Variants in ABTB3 observed in about 807,000 individuals in gnomAD.
ABTB3 encodes the protein ankyrin repeat- and BTB/POZ domain-containing protein 3.
chr12:107,355,851 C>T, the ABTB3 span, among the ~76,000 whole-genome samples: 1 of 152,140 alleles, frequency 6.6e-6, no homozygotes, highest in Admixed American at 6.5e-5. Flanking sequence ...TTGAACCCAC[C>T]GTCTGTGCTT....
At chr12:107,546,572 G>A in the ABTB3 span, among the ~76,000 whole-genome samples, 1 of 152,164 alleles carries the variant, frequency 6.6e-6, no homozygotes, top group Non-Finnish European at 1.5e-5. Context: ...TTCTACTTTT[G>A]ATGTCTACAC....
the ABTB3 span, chr12:107,619,886 C>T: frequency 3.3e-5 from 39 of 1,167,908 alleles, no homozygotes; most frequent in Non-Finnish European, 4.3e-5. Context: ...GAAAAGCCAA[C>T]TTCCAGATAA....
chr12:107,544,079 C>CACAAAT, the ABTB3 span: 1 of 1,614,048 alleles, frequency 6.2e-7, no homozygotes, highest in South Asian at 1.1e-5. Context: ...ATGCACTGCC[C>CACAAAT]ACAAATGGAA....
the ABTB3 span, among the ~76,000 whole-genome samples, chr12:107,516,357 A>G: frequency 6.6e-6 from 1 of 151,774 alleles, no homozygotes; most frequent in Non-Finnish European, 1.5e-5. Context: ...CAGCTTCCTG[A>G]GTAGCTGGGA....
At chr12:107,444,894 G>T in the ABTB3 span, among the ~76,000 whole-genome samples, 1 of 152,186 alleles carries the variant, frequency 6.6e-6, no homozygotes, top group Non-Finnish European at 1.5e-5. Context: ...GAGGCTGGGA[G>T]GGTAGGGGGA....
chr12:107,434,279 C>A, the ABTB3 span, among the ~76,000 whole-genome samples: 1 of 152,178 alleles, frequency 6.6e-6, no homozygotes, highest in Non-Finnish European at 1.5e-5. Context: ...AGCAGGCACA[C>A]AAAGTGGGCT....
chr12:107,598,521 A>T, the ABTB3 span, among the ~76,000 whole-genome samples: 1 of 152,250 alleles, frequency 6.6e-6, no homozygotes, highest in African/African-American at 2.4e-5. Flanking sequence ...TATGAGGAAG[A>T]AGTGGAGAAC....
At chr12:107,339,250 G>A in the ABTB3 span, among the ~76,000 whole-genome samples, 1 of 152,098 alleles carries the variant, frequency 6.6e-6, no homozygotes, top group African/African-American at 2.4e-5. Context: ...CTTTCTGAAG[G>A]AAAACACAAG....
the ABTB3 span, among the ~76,000 whole-genome samples, chr12:107,533,505 T>A: frequency 6.6e-6 from 1 of 151,968 alleles, no homozygotes; most frequent in Non-Finnish European, 1.5e-5. Context: ...AGACTTTAAG[T>A]CAAAAAAACA....
At chr12:107,613,905 G>A in the ABTB3 span, among the ~76,000 whole-genome samples, 9 of 152,084 alleles carry the variant, frequency 5.9e-5, no homozygotes. Flanking sequence ...TCTGAGGAAA[G>A]CAGACAATAG....
chr12:107,337,121 A>G, the ABTB3 span, among the ~76,000 whole-genome samples: 2 of 152,254 alleles, frequency 1.3e-5, no homozygotes, highest in African/African-American at 2.4e-5. Context: ...CTGTGTCTGC[A>G]TAGACTTTTG....
At chr12:107,621,203 G>A in the ABTB3 span, among the ~76,000 whole-genome samples, 3 of 152,148 alleles carry the variant, frequency 2.0e-5, no homozygotes, top group African/African-American at 7.2e-5. Flanking sequence ...CCTTAGCCCG[G>A]TGTCCCTGGG....
chr12:107,537,402 T>C, the ABTB3 span, among the ~76,000 whole-genome samples: 1 of 152,194 alleles, frequency 6.6e-6, no homozygotes, highest in Admixed American at 6.5e-5. Flanking sequence ...CACAAAGACA[T>C]GATAAATGTT....
the ABTB3 span, among the ~76,000 whole-genome samples, chr12:107,399,455 T>C: frequency 1.3e-5 from 2 of 152,048 alleles, no homozygotes; most frequent in Non-Finnish European, 2.9e-5. Flanking sequence ...ACCAGACTCA[T>C]ACTCAGGGCT....
the ABTB3 span, among the ~76,000 whole-genome samples, chr12:107,497,394 C>T: frequency 7.5e-6 from 1 of 133,758 alleles, no homozygotes; most frequent in African/African-American, 3.5e-5. Flanking sequence ...TCATCTCTAC[C>T]ATCATCATCA....
chr12:107,482,660 C>T, the ABTB3 span, among the ~76,000 whole-genome samples: 29 of 152,160 alleles, frequency 1.9e-4, no homozygotes, highest in East Asian at 4.7e-3. Context: ...GCAGCACTGG[C>T]GGCCTCTCCT....
chr12:107,547,937 T>C, the ABTB3 span, among the ~76,000 whole-genome samples: 2 of 152,250 alleles, frequency 1.3e-5, no homozygotes, highest in Non-Finnish European at 2.9e-5. Flanking sequence ...TCTAAAATGC[T>C]GTTTTCATTG....
the ABTB3 span, among the ~76,000 whole-genome samples, chr12:107,475,287 T>C: frequency 2.6e-5 from 4 of 152,190 alleles, no homozygotes; most frequent in Non-Finnish European, 5.9e-5. Context: ...TTCTCAGCCT[T>C]AGGTGCTGCC....
At chr12:107,422,479 T>C in the ABTB3 span, among the ~76,000 whole-genome samples, 5 of 152,296 alleles carry the variant, frequency 3.3e-5, 1 homozygote, top group South Asian at 1.0e-3. Flanking sequence ...AAAGGAATAA[T>C]TCTGCCAGTC....
Sources: gnomAD v4.1 joint callset for allele counts (sites outside exome capture counted in the v4.1 genomes callset) on GRCh38, gnomAD v4.1.1 for gene constraint, MANE v1.5 for transcripts, NCBI Gene and HGNC (gene_info 2026-07-23, HGNC 2026-07-21) for gene names.